Variants in USP25 observed in about 807,000 individuals in gnomAD.
The protein encoded by USP25 is ubiquitin specific peptidase 25.
USP25 carries 85 observed loss-of-function variants against 158.5 expected under a neutral mutation model. The ratio of observed to expected loss-of-function variants is 0.54; its 90% CI spans 0.45 to 0.64. USP25 has a LOEUF of 0.64. Among genes scored for constraint, USP25 ranks in the 30% least tolerant of loss-of-function variants. USP25 has a pLI of 0.00. For missense variants in USP25, 1,242 were observed against 1,327.3 expected (o/e 0.94, Z 1.00); for synonymous variants, 464 against 460.4 (o/e 1.01, Z -0.10).
chr21:15,824,053 A>AT lies in USP25; in HGVS notation c.1097dup (p.Leu366PhefsTer8). On this transcript the variant is annotated frameshift_variant, in exon 11 of 26. Transcript: ENST00000400183. LOFTEE classifies it high-confidence loss of function. Reference sequence around the variant, plus strand: ...TTTCCTTTCAGCATTGGTTTACTGAATTACCACCTGTGTTAACATTTGAAT... The same window carrying AT: ...TTTCCTTTCAGCATTGGTTTACTGAATTTACCACCTGTGTTAACATTTGAAT... 6.2e-7 allele frequency: 1 copy of AT among 1,613,232 alleles called. No individual in the cohort carries two copies. Among genetic ancestry groups the AT allele is most frequent in the Non-Finnish European group, 8.5e-7 (1 of 1,179,588 alleles).
chr21:15,863,860 C>G (rs1401106877), intron 20 of USP25, among the ~76,000 whole-genome samples: 1 of 151,740 alleles, frequency 6.6e-6, no homozygotes, highest in Admixed American at 6.6e-5. Context: ...CATAGTGAAA[C>G]CCCATCTCTA....
intron 10 of USP25, among the ~76,000 whole-genome samples, chr21:15,823,131 A>G (rs1487769003): frequency 6.6e-6 from 1 of 152,066 alleles, no homozygotes; most frequent in African/African-American, 2.4e-5. Context: ...ACTTGAAATT[A>G]TCACACACAA....
chr21:15,855,707 G>C (rs181508843), intron 20 of USP25, among the ~76,000 whole-genome samples: 2 of 152,266 alleles, frequency 1.3e-5, no homozygotes, highest in Admixed American at 6.5e-5. Context: ...TCTCAGACTT[G>C]TACTTCCAAC....
intron 3 of USP25, among the ~76,000 whole-genome samples, chr21:15,769,415 A>G (rs2034223301): frequency 6.6e-6 from 1 of 152,192 alleles, no homozygotes; most frequent in Non-Finnish European, 1.5e-5. Flanking sequence ...AAAAGCCCAA[A>G]TCATTTGTAC....
chr21:15,804,419 AAATAT>A (rs2036275706), intron 6 of USP25, among the ~76,000 whole-genome samples: 2 of 151,468 alleles, frequency 1.3e-5, no homozygotes, highest in African/African-American at 2.4e-5. Flanking sequence ...GAATTATATT[AAATAT>A]AATGTTCGAT....
At chr21:15,760,888 T>G (rs879896276) in intron 1 of USP25, among the ~76,000 whole-genome samples, 2 of 152,150 alleles carry the variant, frequency 1.3e-5, no homozygotes, top group African/African-American at 2.4e-5. Flanking sequence ...ATTCAAGAAT[T>G]TAATATTAAT....
chr21:15,802,588 T>C (rs2036185576), intron 6 of USP25, among the ~76,000 whole-genome samples: 1 of 151,354 alleles, frequency 6.6e-6, no homozygotes, highest in South Asian at 2.1e-4. Flanking sequence ...TGTCAGAATA[T>C]TGTAAGCTGA....
At position 15,847,832 on chromosome 21, in the gene USP25, A is replaced by G. The variant is rs1286871306; in HGVS notation, c.2451+56A>G. 7 of 1,247,736 alleles carry G rather than the reference A, an allele frequency of 5.6e-6. No individual in the cohort carries two copies. In the East Asian group the frequency reaches 1.5e-4, roughly 27 times the overall value. The allele number at this position is 1,247,736 out of a possible 1,614,324, so 77.3% of individuals were successfully genotyped here. ...ACTTAACTTTTGCTATTTAATACAA[A>G]TACTTTGGGCATGCCTGCACCCTCA... On this transcript the variant is annotated intron_variant, in intron 19 of 25. Coordinates refer to ENST00000400183, the MANE Select transcript of USP25 (RefSeq NM_001283041.3).
At chr21:15,864,482 G>GT in intron 21 of USP25, 36 bp downstream of exon 21, 1 of 1,514,446 alleles carries the variant, frequency 6.6e-7, no homozygotes, top group Admixed American at 2.3e-5. Context: ...TGCTCAAATC[G>GT]TTCTTTTTTT....
intron 1 of USP25, among the ~76,000 whole-genome samples, chr21:15,751,244 C>G (rs534140795): frequency 7.9e-5 from 12 of 152,248 alleles, no homozygotes; most frequent in African/African-American, 2.6e-4. Flanking sequence ...TTGGGACATT[C>G]CTGCCAGTAG....
At position 15,842,445 on chromosome 21, in the gene USP25, G is replaced by C. The variant is rs1052196375; in HGVS notation, c.2242G>C (p.Asp748His). 8.7e-6 allele frequency: 14 copies of C among 1,613,718 alleles called. No individual in the cohort carries two copies. The highest frequency in any genetic ancestry group is 1.0e-5 in the Non-Finnish European group (12 of 1,179,758). ...ATATCTAGAGCAGCCATCAAGAAGT[G>C]ATTTCTCAAAGCACTTGAAAGAAGA... ...PEYLEQPSRS[D>H]FSKHLKEETI... Residue 748 changes from aspartate to histidine, a missense_variant, in exon 18 of 26, where the codon GAT becomes CAT. Asp to His is a moderately conservative substitution (Grantham distance 81, BLOSUM62 -1). This residue lies in a region of USP25 where 608 missense variants were observed against 605.2 expected (regional missense o/e 1.00). Transcript: ENST00000400183.
intron 1 of USP25, among the ~76,000 whole-genome samples, chr21:15,754,491 GA>G (rs1298873713): frequency 6.6e-6 from 1 of 152,184 alleles, no homozygotes; most frequent in Non-Finnish European, 1.5e-5. Flanking sequence ...TGAAGTTTAA[GA>G]GTTCTTGTCG....
chr21:15,765,377 C>G (rs1023794293), intron 2 of USP25, among the ~76,000 whole-genome samples: 8 of 152,070 alleles, frequency 5.3e-5, no homozygotes, highest in Admixed American at 5.2e-4. Context: ...TAATTTTATT[C>G]AGCTATACTT....
chr21:15,771,618 C>T (rs529462056), intron 3 of USP25, among the ~76,000 whole-genome samples: 9 of 152,190 alleles, frequency 5.9e-5, no homozygotes, highest in African/African-American at 2.2e-4. Context: ...TCCTGATGTT[C>T]ATATTTGCCT....
At chr21:15,768,463 A>G (rs2034164192) in intron 3 of USP25, among the ~76,000 whole-genome samples, 2 of 152,092 alleles carry the variant, frequency 1.3e-5, no homozygotes, top group African/African-American at 4.8e-5. Flanking sequence ...GGGAGATGTC[A>G]TGCATTTCAG....
intron 1 of USP25, among the ~76,000 whole-genome samples, chr21:15,759,611 A>C (rs2033607358): frequency 6.6e-6 from 1 of 152,202 alleles, no homozygotes; most frequent in Non-Finnish European, 1.5e-5. Flanking sequence ...TGTCTGGGTT[A>C]AGATAAGGAG....
Position 15,866,273 on chromosome 21 carries a change from A to G in USP25, c.2734A>G (p.Asn912Asp). ...TATGTGTTTTTTTTTAAGGTGTCACAACATAATGAAAGTTGCTCAAGCCAA... is the reference window on the plus strand; with the variant it reads ...TATGTGTTTTTTTTTAAGGTGTCACGACATAATGAAAGTTGCTCAAGCCAA... Reference protein sequence around the residue: ...RNLSFDERCHNIMKVAQAKLE... With the variant: ...RNLSFDERCHDIMKVAQAKLE... The change falls in exon 22 of 26, where the codon AAC becomes GAC. Residue 912 changes from asparagine (N) to aspartate (D), a missense_variant. Physicochemically the swap from Asn to Asp is conservative, Grantham distance 23 (BLOSUM62 1). Transcript: ENST00000400183. 6.2e-7 allele frequency: 1 copy of G among 1,603,362 alleles called. No homozygotes were observed. Among genetic ancestry groups the G allele is most frequent in the Non-Finnish European group, 8.5e-7 (1 of 1,174,798 alleles).
chr21:15,811,921 A>T (rs1055890211), intron 9 of USP25, among the ~76,000 whole-genome samples: 2 of 152,180 alleles, frequency 1.3e-5, no homozygotes, highest in Non-Finnish European at 2.9e-5. Context: ...GCTAAAGTGT[A>T]AAATTTGAAA....
intron 5 of USP25, among the ~76,000 whole-genome samples, chr21:15,792,889 A>G (rs2035667413): frequency 6.6e-6 from 1 of 151,626 alleles, no homozygotes; most frequent in Admixed American, 6.6e-5. Flanking sequence ...GGATTAACAT[A>G]AATCTATAGT....
Sources: gnomAD v4.1 joint callset for allele counts (sites outside exome capture counted in the v4.1 genomes callset) on GRCh38, gnomAD v4.1.1 for gene constraint, gnomAD v4.1.1 regional missense constraint, MANE v1.5 for transcripts, NCBI Gene and HGNC (gene_info 2026-07-23, HGNC 2026-07-21) for gene names.